Variants in PPRC1 observed in about 807,000 individuals in gnomAD.
The protein encoded by PPRC1 is PPARG related coactivator 1.
Under a neutral mutation model 132.5 loss-of-function variants are expected in PPRC1, and 23 were observed. The observed-to-expected ratio is 0.17, with a 90% CI of 0.12 to 0.25. The LOEUF is 0.25. Among genes scored for constraint, PPRC1 ranks in the 10% least tolerant of loss-of-function variants. PPRC1 has a pLI of 1.00. For synonymous variants in PPRC1, 872 were observed against 833.5 expected, an observed-to-expected ratio of 1.05 and a Z score of -0.80; for missense variants, 2,006 against 2,089.1, an observed-to-expected ratio of 0.96 and a Z score of 0.78.
chr10:102,141,679 C>G lies in PPRC1; in HGVS notation c.3171C>G (p.Val1057=), dbSNP rs1237698435. The G allele has an allele frequency of 1.2e-6, 2 of 1,613,880 alleles. No homozygotes were observed. Among genetic ancestry groups the G allele is most frequent in the South Asian group, 1.1e-5 (1 of 91,046 alleles). The part of the protein sequence containing the change: ...APQTEPTKVE[V]KPVPASPHPK... The stretch of plus-strand genomic sequence containing the variant: ...AGACAGAGCCTACCAAGGTGGAGGT[C>G]AAGCCAGTGCCTGCATCTCCCCATC... Residue 1057 remains valine, a synonymous_variant, in exon 5 of 14, where the codon GTC becomes GTG. Coordinates refer to ENST00000278070, the MANE Select transcript of PPRC1 (RefSeq NM_015062.5).
chr10:102,139,665 C>A lies in PPRC1; in HGVS notation c.1157C>A (p.Ala386Asp), dbSNP rs932537835. Residue 386 changes from alanine to aspartate, a missense_variant, in exon 5 of 14, where the codon GCC becomes GAC. Ala to Asp is a moderately radical substitution (Grantham distance 126). Transcript: ENST00000278070. ...GATGACTCGCTAGAGACTAGTTCTG[C>A]CTTGCAGCTGCTTATGCCTACACTG... Reference protein sequence around the residue: ...LLDDSLETSSALQLLMPTLES... With the variant: ...LLDDSLETSSDLQLLMPTLES... The A allele has an allele frequency of 6.2e-6, 10 of 1,613,956 alleles. No individual in the cohort carries two copies. Among genetic ancestry groups the A allele is most frequent in the African/African-American group, 2.7e-5 (2 of 74,940 alleles).
intron 1 of PPRC1, among the ~76,000 whole-genome samples, chr10:102,135,873 GCTTA>G: frequency 6.6e-6 from 1 of 152,306 alleles, no homozygotes; most frequent in South Asian, 2.1e-4. Flanking sequence ...CTGATGGCTG[GCTTA>G]CTTTCAGCCT....
At position 102,140,019 on chromosome 10, in the gene PPRC1, C is replaced by T; in HGVS notation, c.1511C>T (p.Pro504Leu). ...CAGGTAGACAACTTGCAGAAACAGCCTCAGGAAGAACTTCAAAAAGAGTCT... is the reference window on the plus strand; with the variant it reads ...CAGGTAGACAACTTGCAGAAACAGCTTCAGGAAGAACTTCAAAAAGAGTCT... ...TSQVDNLQKQ[P>L]QEELQKESGP... The change falls in exon 5 of 14, where the codon CCT becomes CTT. Residue 504 changes from proline to leucine, a missense_variant. Physicochemically the swap from Pro to Leu is moderately conservative, Grantham distance 98. This residue lies in a region of PPRC1 where 1,914 missense variants were observed against 1,917.2 expected (regional missense o/e 1.00). Coordinates refer to ENST00000278070, the MANE Select transcript of PPRC1 (RefSeq NM_015062.5). 2 of 1,614,230 alleles carry T rather than the reference C, an allele frequency of 1.2e-6. No individual in the cohort carries two copies. Among genetic ancestry groups the T allele is most frequent in the Non-Finnish European group, 1.7e-6 (2 of 1,180,036 alleles).
chr10:102,136,664 A>T (rs905519249), intron 1 of PPRC1, among the ~76,000 whole-genome samples: 2 of 152,162 alleles, frequency 1.3e-5, no homozygotes, highest in Non-Finnish European at 2.9e-5. Flanking sequence ...CATCGTTGGT[A>T]TGTATTGTTT....
chr10:102,145,305 G>T (rs1157139358), intron 8 of PPRC1, among the ~76,000 whole-genome samples: 2 of 152,224 alleles, frequency 1.3e-5, no homozygotes, highest in African/African-American at 4.8e-5. Context: ...AGTGGCTCGC[G>T]CCTGTAATCC....
the PPRC1 span, chr10:102,120,285 C>G: frequency 2.0e-6 from 2 of 983,982 alleles, no homozygotes; most frequent in African/African-American, 3.5e-5. Flanking sequence ...GCCTGTCAGG[C>G]GCGGAGCAGA....
the PPRC1 span, among the ~76,000 whole-genome samples, chr10:102,125,466 G>T: frequency 2.0e-5 from 3 of 151,720 alleles, no homozygotes; most frequent in Admixed American, 2.0e-4. Flanking sequence ...CACCATGATG[G>T]CCAGGATGAT....
At chr10:102,129,738 G>C (rs2068514057), upstream of PPRC1, among the ~76,000 whole-genome samples, 1 of 152,124 alleles carries the variant, frequency 6.6e-6, no homozygotes, top group Non-Finnish European at 1.5e-5. Context: ...CTGAGTAGCT[G>C]GGATTACAGG....
chr10:102,146,608 A>G (rs1055282995), intron 8 of PPRC1, 64 bp from the exon 9 acceptor site: 17 of 1,527,252 alleles, frequency 1.1e-5, no homozygotes, highest in Non-Finnish European at 1.2e-5. Flanking sequence ...GGCTATATAC[A>G]CGGTATTTGG....
intron 9 of PPRC1, 103 bp downstream of exon 9, chr10:102,147,495 G>A (rs768929428): frequency 2.8e-4 from 393 of 1,391,010 alleles, no homozygotes; most frequent in Non-Finnish European, 3.4e-4. Flanking sequence ...ACTTTCAGGC[G>A]CTAAGGCTTC....
At position 102,148,423 on chromosome 10, in the gene PPRC1, GTCA is replaced by G. The variant is rs764699204; in HGVS notation, c.4458_4460del (p.Ser1499del). ...CTCGAAGATGCTCTTCCTCTTCTTC[GTCA>G]TCATCTTCCTCTTCGTCTTCCTCAT... is the stretch of plus-strand genomic sequence containing the variant. On this transcript the variant is annotated inframe_deletion, in exon 10 of 14. Transcript: ENST00000278070. The surrounding 1 kb of genome is among the most constrained non-coding windows in gnomAD (Gnocchi z 4.2). 6.2e-7 allele frequency: 1 copy of G among 1,611,940 alleles called. No homozygotes were observed. The highest frequency in any genetic ancestry group is 1.3e-5 in the African/African-American group (1 of 74,918).
chr10:102,134,358 A>T (rs2068643174), intron 1 of PPRC1, among the ~76,000 whole-genome samples: 1 of 152,084 alleles, frequency 6.6e-6, no homozygotes. Context: ...TTGAACATAC[A>T]CTGGATGAGG....
chr10:102,132,124 G>A (rs1000266996), upstream of PPRC1, among the ~76,000 whole-genome samples: 5 of 152,194 alleles, frequency 3.3e-5, no homozygotes, highest in South Asian at 2.1e-4. Flanking sequence ...AGAAAAAAGC[G>A]TCAATGAATA....
At chr10:102,145,204 C>A in intron 8 of PPRC1, 114 bp downstream of exon 8, 1 of 970,702 alleles carries the variant, frequency 1.0e-6, no homozygotes, top group Non-Finnish European at 1.5e-6. Context: ...TGATCTCCAG[C>A]CTTGAGATAC....
At chr10:102,142,983 TG>T in intron 5 of PPRC1, 61 bp from the exon 6 acceptor site, 1 of 1,456,252 alleles carries the variant, frequency 6.9e-7, no homozygotes, top group Non-Finnish European at 9.6e-7. Context: ...GGGGGCTTCC[TG>T]GGACCTGTGT....
chr10:102,141,531 G>T lies in PPRC1; in HGVS notation c.3023G>T (p.Gly1008Val), dbSNP rs368892446. The change falls in exon 5 of 14, where the codon GGG becomes GTG. Residue 1008 changes from glycine (G) to valine (V), a missense_variant. Transcript: ENST00000278070. ...PPPPLPPASIGRAVPQPKMES... is the reference protein window; with the variant it reads ...PPPPLPPASIVRAVPQPKMES... ...CCTCCTTTGCCTCCAGCCTCCATTG[G>T]GAGAGCTGTTCCCCAACCTAAAATG... 4.1e-5 allele frequency: 66 copies of T among 1,614,012 alleles called. No homozygotes were observed. In the African/African-American group the frequency reaches 8.5e-4, roughly 21 times the overall value.
In PPRC1 at chr10:102,150,052, CT is replaced by C. The variant is rs2069442909; in HGVS notation, c.*28del. The stretch of plus-strand genomic sequence containing the variant: ...TAACCTTGGGCCCTTCCCTGCTATC[CT>C]TTTTCTCCTTTGGAGGTGCCCAACC... On this transcript the variant is annotated 3_prime_UTR_variant, in exon 14 of 14. Transcript: ENST00000278070. The C allele has an allele frequency of 1.9e-6, 3 of 1,572,500 alleles. No individual in the cohort carries two copies. Among genetic ancestry groups the C allele is most frequent in the South Asian group, 1.1e-5 (1 of 90,138 alleles).
the PPRC1 span, among the ~76,000 whole-genome samples, chr10:102,124,449 C>T: frequency 0.091 from 13,722 of 150,556 alleles, 1,560 homozygotes; most frequent in African/African-American, 0.27. Flanking sequence ...CTTTAACCTC[C>T]GCCTCCCGGG....
At chr10:102,133,534 C>T (rs1387260434) in intron 1 of PPRC1, among the ~76,000 whole-genome samples, 2 of 152,130 alleles carry the variant, frequency 1.3e-5, no homozygotes, top group Non-Finnish European at 2.9e-5. Context: ...CAGTGAGGCT[C>T]CCCGAGCCCG....
Sources: allele counts gnomAD v4.1 joint callset (sites outside exome capture counted in the v4.1 genomes callset), GRCh38; gene constraint gnomAD v4.1.1; regional missense constraint gnomAD v4.1.1; non-coding constraint Gnocchi (gnomAD v3.1); transcripts MANE v1.5; gene names NCBI Gene and HGNC (gene_info 2026-07-23, HGNC 2026-07-21).